SMOC1: variants seen among roughly 807,000 people sequenced by gnomAD.
The protein encoded by SMOC1 is SPARC related modular calcium binding 1.
Under a neutral mutation model 56.3 loss-of-function variants are expected in SMOC1, and 22 were observed. The ratio of observed to expected loss-of-function variants is 0.39; its 90% CI spans 0.28 to 0.56. The LOEUF is 0.56. Ranked by LOEUF, SMOC1 falls within the 20% of genes least tolerant of loss-of-function variation. The pLI is 0.61. For synonymous variants in SMOC1, 193 were observed against 215.0 expected, an observed-to-expected ratio of 0.90 and a Z score of 0.89; for missense variants, 509 against 565.4, an observed-to-expected ratio of 0.90 and a Z score of 1.01.
intron 1 of SMOC1, among the ~76,000 whole-genome samples, chr14:69,913,958 C>G (rs1296811014): frequency 6.6e-6 from 1 of 152,186 alleles, no homozygotes; most frequent in Non-Finnish European, 1.5e-5. Context: ...TGGAAATGCT[C>G]AAGTTCACTA....
chr14:70,024,654 G>A (rs1356665681), intron 11 of SMOC1, among the ~76,000 whole-genome samples: 1 of 152,078 alleles, frequency 6.6e-6, no homozygotes, highest in Non-Finnish European at 1.5e-5. Flanking sequence ...CAAGGAAACA[G>A]TTTTCAATGA....
At chr14:70,030,130 G>C in intron 11 of SMOC1, 112 bp from the exon 12 acceptor site, 1 of 1,524,062 alleles carries the variant, frequency 6.6e-7, no homozygotes. Flanking sequence ...CTGCACTTGT[G>C]GGGAAATTGA....
In SMOC1 at chr14:69,974,333, G is replaced by A. The variant is rs549853918; in HGVS notation, c.379-1382G>A. On this transcript the variant is annotated intron_variant, in intron 3 of 11. Transcript: ENST00000361956. Reference sequence around the variant, plus strand: ...GAGGAGGTGTATCACAAAGGAGGAGGGGAATACGAGGGATTAGGAGTGGAT... The same window carrying A: ...GAGGAGGTGTATCACAAAGGAGGAGAGGAATACGAGGGATTAGGAGTGGAT... Among the ~76,000 whole-genome samples the A allele has an allele frequency of 5.3e-5, 8 of 152,190 alleles. No individual in the cohort carries two copies. In the East Asian group the frequency reaches 1.5e-3, roughly 29 times the overall value.
At chr14:69,930,284 C>T (rs80120758) in intron 1 of SMOC1, among the ~76,000 whole-genome samples, 1 of 152,166 alleles carries the variant, frequency 6.6e-6, no homozygotes, top group African/African-American at 2.4e-5. Flanking sequence ...GCCCATCCCA[C>T]CACACTGCCC....
chr14:69,924,555 T>C (rs79693043), intron 1 of SMOC1, among the ~76,000 whole-genome samples: 6,191 of 151,744 alleles, frequency 0.041, 421 homozygotes, highest in African/African-American at 0.14. Flanking sequence ...CACCATGGCC[T>C]GGGTGGAATC....
chr14:69,890,271 T>C (rs888901155), intron 1 of SMOC1, among the ~76,000 whole-genome samples: 2 of 152,196 alleles, frequency 1.3e-5, no homozygotes, highest in Non-Finnish European at 2.9e-5. Flanking sequence ...TATTGAATAA[T>C]AGAATTTTCA....
At chr14:69,957,404 T>A (rs1195544152) in intron 3 of SMOC1, among the ~76,000 whole-genome samples, 2 of 152,230 alleles carry the variant, frequency 1.3e-5, no homozygotes, top group Admixed American at 6.5e-5. Context: ...TGGGGTTGAA[T>A]AGCTGACTTG....
intron 10 of SMOC1, among the ~76,000 whole-genome samples, chr14:70,019,090 G>A (rs1187445500): frequency 6.6e-6 from 1 of 152,230 alleles, no homozygotes; most frequent in Non-Finnish European, 1.5e-5. Flanking sequence ...GGCCTGGTGG[G>A]GCTGAGGCTG....
intron 5 of SMOC1, among the ~76,000 whole-genome samples, chr14:69,979,358 G>T (rs189987452): frequency 2.6e-5 from 4 of 152,258 alleles, no homozygotes; most frequent in Non-Finnish European, 5.9e-5. Flanking sequence ...GGACCAATGG[G>T]CCAGATGGGC....
intron 3 of SMOC1, among the ~76,000 whole-genome samples, chr14:69,956,916 T>C (rs926571257): frequency 6.6e-6 from 1 of 152,220 alleles, no homozygotes; most frequent in Non-Finnish European, 1.5e-5. Flanking sequence ...TTGTGTTTTT[T>C]CGAGCTCCCC....
intron 1 of SMOC1, among the ~76,000 whole-genome samples, chr14:69,947,332 G>A (rs986571347): frequency 6.6e-6 from 1 of 151,972 alleles, no homozygotes; most frequent in Non-Finnish European, 1.5e-5. Flanking sequence ...ACTATGCCTG[G>A]CTAATTTTAA....
At chr14:69,911,363 C>A (rs1213424584) in intron 1 of SMOC1, among the ~76,000 whole-genome samples, 1 of 152,194 alleles carries the variant, frequency 6.6e-6, no homozygotes, top group Non-Finnish European at 1.5e-5. Context: ...AAGTTTATTT[C>A]AAAATTAATA....
chr14:69,894,410 C>T (rs750355758), intron 1 of SMOC1, among the ~76,000 whole-genome samples: 2 of 152,150 alleles, frequency 1.3e-5, no homozygotes, highest in African/African-American at 2.4e-5. Context: ...TTAACCAATC[C>T]CTTTGGCCAG....
At chr14:69,932,568 T>G (rs988237075) in intron 1 of SMOC1, among the ~76,000 whole-genome samples, 6 of 152,336 alleles carry the variant, frequency 3.9e-5, no homozygotes, top group African/African-American at 1.2e-4. Flanking sequence ...TTCATACAGG[T>G]GCAGCCCTCT....
At chr14:70,007,763 T>TA (rs2139580499) in intron 7 of SMOC1, among the ~76,000 whole-genome samples, 1 of 152,328 alleles carries the variant, frequency 6.6e-6, no homozygotes, top group Admixed American at 6.5e-5. Flanking sequence ...TAATAGTGCC[T>TA]ACCTCACATG....
At chr14:69,925,649 A>G (rs1298279591) in intron 1 of SMOC1, among the ~76,000 whole-genome samples, 1 of 152,142 alleles carries the variant, frequency 6.6e-6, no homozygotes, top group African/African-American at 2.4e-5. Flanking sequence ...CGGCACTAAG[A>G]ACAGTGCTGG....
At chr14:69,988,732 C>T (rs1884455889) in intron 5 of SMOC1, among the ~76,000 whole-genome samples, 1 of 152,136 alleles carries the variant, frequency 6.6e-6, no homozygotes, top group Non-Finnish European at 1.5e-5. Flanking sequence ...TCTAGGCACC[C>T]CCAGATCTGT....
chr14:70,004,961 AG>A (rs768721397), intron 7 of SMOC1, among the ~76,000 whole-genome samples: 7 of 152,172 alleles, frequency 4.6e-5, no homozygotes, highest in Non-Finnish European at 1.0e-4. Context: ...TTCTCCAAAA[AG>A]CTTACAGCAT....
chr14:69,905,858 G>C (rs781763426), intron 1 of SMOC1, among the ~76,000 whole-genome samples: 1 of 152,188 alleles, frequency 6.6e-6, no homozygotes, highest in Non-Finnish European at 1.5e-5. Context: ...GACTTGATGA[G>C]GGGCCAAGAA....
Sources: gnomAD v4.1 joint callset for allele counts (sites outside exome capture counted in the v4.1 genomes callset) on GRCh38, gnomAD v4.1.1 for gene constraint, MANE v1.5 for transcripts, NCBI Gene and HGNC (gene_info 2026-07-23, HGNC 2026-07-21) for gene names.